TPRN: variants seen among roughly 807,000 people sequenced by gnomAD.
TPRN encodes taperin.
In TPRN, 32 loss-of-function variants were observed where a neutral mutation model predicts 42.6. The ratio of observed to expected loss-of-function variants is 0.75; its 90% CI spans 0.57 to 1.01. The LOEUF is 1.01. TPRN is among the 50% of genes least tolerant of loss of function. The pLI is 0.00. For synonymous variants in TPRN, 541 were observed against 445.6 expected (o/e 1.21, Z -2.70); for missense variants, 1,095 against 957.5 (o/e 1.14, Z -1.90).
chr9:137,198,885 G>C, intron 1 of TPRN, 102 bp downstream of exon 1: 1 of 1,590,538 alleles, frequency 6.3e-7, no homozygotes, highest in South Asian at 1.1e-5. Flanking sequence ...ACCATCCTTT[G>C]CCCAGGCCAA....
Position 137,199,440 on chromosome 9 carries a change from C to T in TPRN, c.1272G>A (p.Pro424=), listed in dbSNP as rs1461626467. The T allele has an allele frequency of 1.9e-6, 3 of 1,610,236 alleles. No homozygotes were observed. The East Asian group carries it at 6.7e-5, about 36-fold the overall frequency. The change falls in exon 1 of 4, where the codon CCG becomes CCA. Residue 424 remains proline, a synonymous_variant. Coordinates refer to ENST00000409012, the MANE Select transcript of TPRN (RefSeq NM_001128228.3). ...QRPSSPPPFL[P]AASEEAEPAE... The stretch of plus-strand genomic sequence containing the variant: ...CAGGCTCAGCTTCTTCCGAAGCAGC[C>T]GGCAGGAAGGGGGGCGGTGAGGACG...
Position 137,200,238 on chromosome 9 carries a change from C to T in TPRN, c.474G>A (p.Pro158=). Residue 158 remains proline (P), a synonymous_variant, in exon 1 of 4, where the codon CCG becomes CCA. Transcript: ENST00000409012. The surrounding 1 kb of genome is among the most constrained non-coding windows in gnomAD (Gnocchi z 4.3). ...GCGGCGCGGGCGGCGGCGGCGGCGG[C>T]GGGGGGCGGGCGCGCTCGGGGCTCC... ...RRGSPERARP[P]PPPPPPAPPR... The T allele has an allele frequency of 2.1e-6, 2 of 945,218 alleles. No homozygotes were observed. Among genetic ancestry groups the T allele is most frequent in the Non-Finnish European group, 2.5e-6 (2 of 800,146 alleles). 58.6% of individuals were successfully genotyped at this position (945,218 alleles called of 1,614,324 possible). A position where few individuals can be genotyped will look rare whatever the true frequency, so the allele number is the denominator to read the frequency against.
At chr9:137,192,927 TGACCAG>T (rs1264454326) in intron 1 of TPRN, 1 of 572,214 alleles carries the variant, frequency 1.7e-6, no homozygotes, top group Admixed American at 3.1e-5. Flanking sequence ...GACCAAACGC[TGACCAG>T]GACCAGGAGC....
In TPRN at chr9:137,200,562, G is replaced by A. The variant is rs1834794085; in HGVS notation, c.150C>T (p.Ala50=). The part of the protein sequence containing the change: ...GAAEPEQRVL[A]ESLGPLRENP... ...TCTCGCGCAGCGGGCCCAGGCTCTC[G>A]GCCAGCACCCGCTGCTCGGGCTCCG... is the stretch of plus-strand genomic sequence containing the variant. Residue 50 remains alanine (A), a synonymous_variant, in exon 1 of 4, where the codon GCC becomes GCT. Coordinates refer to ENST00000409012, the MANE Select transcript of TPRN (RefSeq NM_001128228.3). The surrounding 1 kb of genome is among the most constrained non-coding windows in gnomAD (Gnocchi z 4.3). 4.3e-6 allele frequency: 5 copies of A among 1,149,912 alleles called. No homozygotes were observed. Among genetic ancestry groups the A allele is most frequent in the East Asian group, 9.3e-5 (2 of 21,400 alleles). 71.2% of individuals were successfully genotyped at this position (1,149,912 alleles called of 1,614,324 possible). A position where few individuals can be genotyped will look rare whatever the true frequency, so the allele number is the denominator to read the frequency against.
chr9:137,200,114 T>C lies in TPRN; in HGVS notation c.598A>G (p.Thr200Ala). Reference protein sequence around the residue: ...GARRSDFLQKTGSNSFTVHPR... With the variant: ...GARRSDFLQKAGSNSFTVHPR... ...TGGACGGTGAAGGAGTTGCTGCCGG[T>C]CTTCTGGAGGAAGTCGCTGCGCCGG... Residue 200 changes from threonine (T) to alanine (A), a missense_variant, in exon 1 of 4, where the codon ACC becomes GCC. By Grantham distance (58) the Thr-to-Ala change is moderately conservative (BLOSUM62 0). Transcript: ENST00000409012. The surrounding 1 kb of genome is among the most constrained non-coding windows in gnomAD (Gnocchi z 4.3). The C allele has an allele frequency of 7.9e-7, 1 of 1,258,440 alleles. No individual in the cohort carries two copies. Among genetic ancestry groups the C allele is most frequent in the Non-Finnish European group, 1.0e-6 (1 of 1,004,694 alleles). The allele number at this position is 1,258,440 out of a possible 1,614,324, so 78.0% of individuals were successfully genotyped here.
chr9:137,196,272 G>T (rs1232493416), intron 1 of TPRN, among the ~76,000 whole-genome samples: 2 of 152,178 alleles, frequency 1.3e-5, no homozygotes, highest in African/African-American at 4.8e-5. Flanking sequence ...CCCACGCCCG[G>T]GGGTCACAGC....
chr9:137,200,422 A>G lies in TPRN; in HGVS notation c.290T>C (p.Val97Ala). 1 of 1,122,284 alleles carries G rather than the reference A, an allele frequency of 8.9e-7. No homozygotes were observed. Among genetic ancestry groups the G allele is most frequent in the Admixed American group, 4.4e-5 (1 of 22,746 alleles). 69.5% of individuals were successfully genotyped at this position (1,122,284 alleles called of 1,614,324 possible). A position where few individuals can be genotyped will look rare whatever the true frequency, so the allele number is the denominator to read the frequency against. ...GCCGGGCACCGTCTCGATGATGAGG[A>G]CGCTGTCGGCGCGGAGGGCGCGCAC... ...PGVRALRADS[V>A]LIIETVPGFP... Residue 97 changes from valine to alanine, a missense_variant, in exon 1 of 4, where the codon GTC becomes GCC. Coordinates refer to ENST00000409012, the MANE Select transcript of TPRN (RefSeq NM_001128228.3). This position sits in a 1 kb window ranked among gnomAD's most constrained non-coding sequence, Gnocchi z 4.3.
At chr9:137,192,734 G>T in intron 1 of TPRN, 43 bp from the exon 2 acceptor site, 2 of 1,604,266 alleles carry the variant, frequency 1.2e-6, no homozygotes, top group Non-Finnish European at 8.5e-7. Context: ...GGGCCCACAT[G>T]GGCACAGTGA....
At chr9:137,194,660 GGGGTGGACAGGCAGC>G (rs1018877976) in intron 1 of TPRN, 1 of 152,280 alleles carries the variant, frequency 6.6e-6, no homozygotes, top group African/African-American at 2.4e-5. Context: ...TGCGGGGCGG[GGGGTGGACAGGCAGC>G]CCCTGTCTGC....
At chr9:137,196,374 G>C (rs1431776764) in intron 1 of TPRN, among the ~76,000 whole-genome samples, 1 of 152,194 alleles carries the variant, frequency 6.6e-6, no homozygotes, top group Non-Finnish European at 1.5e-5. Context: ...ATCATCTGAG[G>C]TCAGGAGTTC....
At position 137,192,710 on chromosome 9, in the gene TPRN, T is replaced by G. The variant is rs1183849381; in HGVS notation, c.1726-19A>C. On this transcript the variant is annotated intron_variant, in intron 1 of 3. Transcript: ENST00000409012. ...TCTTCATCTGGGAGTGAGAGTCACG[T>G]GAACGAGGGCTGAGGGCCCACATGG... 1.2e-6 allele frequency: 2 copies of G among 1,612,866 alleles called. No individual in the cohort carries two copies. Among genetic ancestry groups the G allele is most frequent in the Non-Finnish European group, 1.7e-6 (2 of 1,179,772 alleles).
chr9:137,191,890 C>T lies in TPRN; in HGVS notation c.*222G>A. On this transcript the variant is annotated 3_prime_UTR_variant, in exon 4 of 4. Coordinates refer to ENST00000409012, the MANE Select transcript of TPRN (RefSeq NM_001128228.3). ...TGGCACTCACCCACAGGCAGTTCCCCACCCCACTTCCCCCTTGGACCCTCC... is the reference window on the plus strand; with the variant it reads ...TGGCACTCACCCACAGGCAGTTCCCTACCCCACTTCCCCCTTGGACCCTCC... The T allele has an allele frequency of 3.2e-6, 2 of 630,686 alleles. No individual in the cohort carries two copies. Among genetic ancestry groups the T allele is most frequent in the Non-Finnish European group, 5.7e-6 (2 of 353,536 alleles). The allele number at this position is 630,686 out of a possible 1,614,324, so 39.1% of individuals were successfully genotyped here.
rs747837668 is a variant in TPRN at position 137,192,499 on chromosome 9, C to A, written c.1918G>T (p.Val640Leu). 3.1e-6 allele frequency: 5 copies of A among 1,606,138 alleles called. No homozygotes were observed. The highest frequency in any genetic ancestry group is 4.2e-6 in the Non-Finnish European group (5 of 1,176,746). Residue 640 changes from valine to leucine, a missense_variant, in exon 2 of 4, where the codon GTG becomes TTG. Transcript: ENST00000409012. ...GAGCTCTCGGGTCTCACGCTGCTCA[C>A]AAACGTGGCCCGGGGCAGGAAGAGT... ...FALFLPRATF[V>L]SSVRPESSRL...
intron 1 of TPRN, 174 bp from the exon 2 acceptor site, chr9:137,192,865 G>C (rs1834648278): frequency 3.0e-6 from 2 of 669,068 alleles, no homozygotes. Flanking sequence ...GACCCTGCAG[G>C]CGTCCATCCC....
chr9:137,198,726 C>G (rs1050156122), intron 1 of TPRN, among the ~76,000 whole-genome samples: 2 of 152,248 alleles, frequency 1.3e-5, no homozygotes, highest in African/African-American at 4.8e-5. Context: ...TGGCAAGGGA[C>G]ATAGCACTGT....
At position 137,199,170 on chromosome 9, in the gene TPRN, G is replaced by A; in HGVS notation, c.1542C>T (p.Asp514=). ...CCCTGTTGGCCTGACTGAAGTGCTG[G>A]TCCTGCAGAGTCCCTGGCTTCCTCT... is the stretch of plus-strand genomic sequence containing the variant. ...VPKRKPGTLQ[D]QHFSQANREP... Residue 514 remains aspartate, a synonymous_variant, in exon 1 of 4, where the codon GAC becomes GAT. Coordinates refer to ENST00000409012, the MANE Select transcript of TPRN (RefSeq NM_001128228.3). 1 of 1,613,212 alleles carries A rather than the reference G, an allele frequency of 6.2e-7. No homozygotes were observed. The highest frequency in any genetic ancestry group is 8.5e-7 in the Non-Finnish European group (1 of 1,180,014).
At position 137,199,853 on chromosome 9, in the gene TPRN, C is replaced by A. The variant is rs1834774025; in HGVS notation, c.859G>T (p.Val287Phe). ...TCGTTGGTGCTGGTGGCTGCGGAGACGCACTGGCGCTGGCTAGGAGTGGCA... is the reference window on the plus strand; with the variant it reads ...TCGTTGGTGCTGGTGGCTGCGGAGAAGCACTGGCGCTGGCTAGGAGTGGCA... ...ASATPSQRQC[V>F]SAATSTNDSF... is the part of the protein sequence containing the mutation. Residue 287 changes from valine (V) to phenylalanine (F), a missense_variant, in exon 1 of 4, where the codon GTC becomes TTC. Coordinates refer to ENST00000409012, the MANE Select transcript of TPRN (RefSeq NM_001128228.3). The A allele has an allele frequency of 6.4e-7, 1 of 1,559,356 alleles. No individual in the cohort carries two copies. Among genetic ancestry groups the A allele is most frequent in the Non-Finnish European group, 8.7e-7 (1 of 1,151,766 alleles).
Sources: gnomAD v4.1 joint callset for allele counts (sites outside exome capture counted in the v4.1 genomes callset) on GRCh38, gnomAD v4.1.1 for gene constraint, Gnocchi (gnomAD v3.1) non-coding constraint, MANE v1.5 for transcripts, NCBI Gene and HGNC (gene_info 2026-07-23, HGNC 2026-07-21) for gene names.